DACH1: variants seen among roughly 807,000 people sequenced by gnomAD.
DACH1 encodes dachshund homolog 1.
In DACH1, 12 loss-of-function variants were observed where a neutral mutation model predicts 54.2. The ratio of observed to expected loss-of-function variants is 0.22; its 90% CI spans 0.14 to 0.36. The LOEUF is 0.36. DACH1 is among the 10% of genes least tolerant of loss of function. The pLI is 1.00. For missense variants in DACH1, 805 were observed against 929.8 expected (o/e 0.87, Z 1.75); for synonymous variants, 386 against 366.2 (o/e 1.05, Z -0.62).
Position 71,745,825 on chromosome 13 carries a change from G to A in DACH1, c.849-63915C>T, listed in dbSNP as rs565575631. The stretch of plus-strand genomic sequence containing the variant: ...CTTTTGCAGGGAAAATACCTAGAGG[G>A]GTTACCATGTTCCACCACTACACCT... On this transcript the variant is annotated intron_variant, in intron 1 of 10. Coordinates refer to ENST00000613252, the MANE Select transcript of DACH1 (RefSeq NM_080759.6). 2.6e-5 allele frequency among the ~76,000 whole-genome samples: 4 copies of A among 152,164 alleles called. No individual in the cohort carries two copies. In the South Asian group the frequency reaches 8.3e-4, roughly 32 times the overall value.
chr13:71,748,879 TTTCTTTC>T (rs781539752), intron 1 of DACH1, among the ~76,000 whole-genome samples: 5,587 of 25,800 alleles, frequency 0.22, 247 homozygotes, highest in Non-Finnish European at 0.41. Flanking sequence ...TCTTTCTTTC[TTTCTTTC>T]TTTCTTTCTT....
chr13:71,575,241 A>T (rs1316322974), intron 3 of DACH1, among the ~76,000 whole-genome samples: 1 of 152,036 alleles, frequency 6.6e-6, no homozygotes, highest in East Asian at 1.9e-4. Context: ...CTGGAAATTT[A>T]GAAATAATAA....
chr13:71,704,925 T>C (rs1403290598), intron 1 of DACH1, among the ~76,000 whole-genome samples: 1 of 152,004 alleles, frequency 6.6e-6, no homozygotes, highest in African/African-American at 2.4e-5. Flanking sequence ...TGAAGGTAGT[T>C]CCTCTAAAAT....
intron 1 of DACH1, among the ~76,000 whole-genome samples, chr13:71,853,894 G>A (rs889813948): frequency 7.9e-5 from 12 of 151,640 alleles, no homozygotes; most frequent in South Asian, 4.2e-4. Context: ...AGTTATTATC[G>A]GCCCAATTCC....
intron 2 of DACH1, among the ~76,000 whole-genome samples, chr13:71,631,445 C>A (rs1877096094): frequency 6.6e-6 from 1 of 152,146 alleles, no homozygotes; most frequent in Non-Finnish European, 1.5e-5. Flanking sequence ...CTGTTTTCCT[C>A]ACTAGATTGT....
intron 6 of DACH1, among the ~76,000 whole-genome samples, chr13:71,542,614 GAA>G (rs1883209625): frequency 6.6e-6 from 1 of 151,968 alleles, no homozygotes; most frequent in Admixed American, 6.6e-5. Context: ...AAAACAATGA[GAA>G]AAGTCTGTTT....
At chr13:71,698,024 A>T (rs1307867240) in intron 1 of DACH1, among the ~76,000 whole-genome samples, 1 of 152,162 alleles carries the variant, frequency 6.6e-6, no homozygotes, top group Non-Finnish European at 1.5e-5. Flanking sequence ...AATTAAAAAC[A>T]TTTTTAAGAC....
At chr13:71,562,664 A>G (rs963497210) in intron 4 of DACH1, among the ~76,000 whole-genome samples, 4 of 152,102 alleles carry the variant, frequency 2.6e-5, no homozygotes, top group African/African-American at 9.7e-5. Flanking sequence ...TAAAACGTCT[A>G]AGGCAAACAA....
Position 71,704,229 on chromosome 13 carries a change from A to G in DACH1, c.849-22319T>C, listed in dbSNP as rs1882312709. 8 of 256,078 alleles carry G rather than the reference A, an allele frequency of 3.1e-5. No homozygotes were observed. In the South Asian group the frequency reaches 4.2e-4, roughly 14 times the overall value. 15.9% of individuals were successfully genotyped at this position (256,078 alleles called of 1,614,324 possible). A position where few individuals can be genotyped will look rare whatever the true frequency, so the allele number is the denominator to read the frequency against. ...GAGAGGCACCTGATATATGTTCTCT[A>G]GGCCTTTGAGACAACATAGAGTTGA... is the stretch of plus-strand genomic sequence containing the variant. On this transcript the variant is annotated intron_variant, in intron 1 of 10. Coordinates refer to ENST00000613252, the MANE Select transcript of DACH1 (RefSeq NM_080759.6).
chr13:71,593,204 C>T (rs1354256931), intron 3 of DACH1, among the ~76,000 whole-genome samples: 2 of 152,014 alleles, frequency 1.3e-5, no homozygotes, highest in Non-Finnish European at 2.9e-5. Context: ...GAGGAACATC[C>T]TTTTATCGAA....
intron 10 of DACH1, among the ~76,000 whole-genome samples, chr13:71,471,212 A>G (rs1460386307): frequency 2.0e-5 from 3 of 151,936 alleles, no homozygotes; most frequent in African/African-American, 7.3e-5. Flanking sequence ...AGGGAGGGAA[A>G]TGTCACGCTC....
chr13:71,556,984 T>C (rs1332285009), intron 6 of DACH1, 40 bp downstream of exon 6: 13 of 1,537,992 alleles, frequency 8.5e-6, no homozygotes, highest in Middle Eastern at 1.7e-4. Flanking sequence ...CTAAAATCTA[T>C]TGAATCGGGA....
intron 1 of DACH1, among the ~76,000 whole-genome samples, chr13:71,833,185 T>A (rs1255393919): frequency 6.6e-6 from 1 of 151,694 alleles, no homozygotes; most frequent in Non-Finnish European, 1.5e-5. Context: ...GGGCTAGGAG[T>A]ATTAGGGATG....
In DACH1 at chr13:71,866,723, G is replaced by T; in HGVS notation, c.47C>A (p.Pro16His). The T allele has an allele frequency of 6.9e-7, 1 of 1,444,098 alleles. No individual in the cohort carries two copies. The highest frequency in any genetic ancestry group is 9.2e-7 in the Non-Finnish European group (1 of 1,089,772). The allele number at this position is 1,444,098 out of a possible 1,614,324, so 89.5% of individuals were successfully genotyped here. A position where few individuals can be genotyped will look rare whatever the true frequency, so the allele number is the denominator to read the frequency against. ...AGCAGACGTGGAGATTGGGGGTTGAGGGGGGACCAGCTGGGTCGGAGGGAT... is the reference window on the plus strand; with the variant it reads ...AGCAGACGTGGAGATTGGGGGTTGATGGGGGACCAGCTGGGTCGGAGGGAT... Reference protein sequence around the residue: ...ALIPPTQLVPPQPPISTSASS... With the variant: ...ALIPPTQLVPHQPPISTSASS... Residue 16 changes from proline (P) to histidine (H), a missense_variant, in exon 1 of 11, where the codon CCT becomes CAT. By Grantham distance (77) the Pro-to-His change is moderately conservative. Transcript: ENST00000613252.
chr13:71,797,761 G>A (rs1006300066), intron 1 of DACH1, among the ~76,000 whole-genome samples: 3 of 152,040 alleles, frequency 2.0e-5, no homozygotes, highest in South Asian at 2.1e-4. Flanking sequence ...GAACAGACCC[G>A]CATCCACAGA....
At chr13:71,532,003 G>A (rs969221244) in intron 6 of DACH1, among the ~76,000 whole-genome samples, 8 of 151,658 alleles carry the variant, frequency 5.3e-5, no homozygotes, top group Non-Finnish European at 7.4e-5. Context: ...GTGCATATTA[G>A]GCATTCAATA....
intron 1 of DACH1, among the ~76,000 whole-genome samples, chr13:71,731,522 C>T (rs1265800473): frequency 1.3e-5 from 2 of 151,976 alleles, no homozygotes; most frequent in Admixed American, 6.5e-5. Flanking sequence ...TGACCTCGTG[C>T]TCGACCCGCC....
At chr13:71,829,929 C>T (rs1265454506) in intron 1 of DACH1, among the ~76,000 whole-genome samples, 2 of 151,694 alleles carry the variant, frequency 1.3e-5, no homozygotes, top group Non-Finnish European at 2.9e-5. Context: ...AAGTCTTAGC[C>T]TTAGGAGAAA....
Position 71,692,818 on chromosome 13 carries a change from G to A in DACH1, c.849-10908C>T, listed in dbSNP as rs1261250963. On this transcript the variant is annotated intron_variant, in intron 1 of 10. Coordinates refer to ENST00000613252, the MANE Select transcript of DACH1 (RefSeq NM_080759.6). The stretch of plus-strand genomic sequence containing the variant: ...TTACAGGCGTGAGCCACCACACCCA[G>A]CCCGTTCACCTATTTTAAATGTATT... Among the ~76,000 whole-genome samples, 3 of 151,832 alleles carry A rather than the reference G, an allele frequency of 2.0e-5. No individual in the cohort carries two copies. In the East Asian group the frequency reaches 5.8e-4, roughly 29 times the overall value.
Sources: allele counts gnomAD v4.1 joint callset (sites outside exome capture counted in the v4.1 genomes callset), GRCh38; gene constraint gnomAD v4.1.1; transcripts MANE v1.5; gene names NCBI Gene and HGNC (gene_info 2026-07-23, HGNC 2026-07-21).